The following ANOS1 variants were observed in gnomAD, a reference collection of about 807,000 sequenced individuals.
ANOS1 encodes the protein anosmin 1.
ANOS1 carries 6 observed loss-of-function variants against 59.0 expected under a neutral mutation model. The ratio of observed to expected loss-of-function variants is 0.10; its 90% CI spans 0.06 to 0.20. ANOS1 has a LOEUF of 0.20. ANOS1 is among the 10% of genes least tolerant of loss of function. The pLI is 1.00. For missense variants in ANOS1, 433 were observed against 542.3 expected (o/e 0.80, Z 2.00); for synonymous variants, 217 against 223.4 (o/e 0.97, Z 0.25).
At chrX:8,622,844 T>G (rs1265991570) in intron 3 of ANOS1, among the ~76,000 whole-genome samples, 1 of 112,154 alleles carries the variant, frequency 8.9e-6, no homozygotes, top group Non-Finnish European at 1.9e-5. Flanking sequence ...CTATTGGTGA[T>G]TTTAGACAGT....
chrX:8,539,928 A>C (rs1354989532), intron 9 of ANOS1, among the ~76,000 whole-genome samples, 170 bp from the exon 10 acceptor site: 7 of 106,709 alleles, frequency 6.6e-5, no homozygotes, highest in African/African-American at 2.4e-4. Flanking sequence ...TAATAATTAT[A>C]ATAATTAGTA....
At chrX:8,634,817 A>G (rs1282956069) in intron 2 of ANOS1, among the ~76,000 whole-genome samples, 1 of 112,105 alleles carries the variant, frequency 8.9e-6, no homozygotes, top group Non-Finnish European at 1.9e-5. Context: ...GAGCATTAAA[A>G]AATTTAAGTT....
intron 9 of ANOS1, among the ~76,000 whole-genome samples, chrX:8,551,433 T>A (rs1361152006): frequency 9.2e-6 from 1 of 108,807 alleles, no homozygotes; most frequent in African/African-American, 3.4e-5. Context: ...AGGTCAGGAG[T>A]TCAAGACCAG....
chrX:8,721,113 T>C (rs1020456741), intron 1 of ANOS1, among the ~76,000 whole-genome samples: 9 of 111,417 alleles, frequency 8.1e-5, no homozygotes, highest in Non-Finnish European at 1.7e-4. Flanking sequence ...TGGACTGATA[T>C]TTTTCAAGCC....
chrX:8,668,022 G>C (rs1354488340), intron 2 of ANOS1, among the ~76,000 whole-genome samples: 12 of 110,537 alleles, frequency 1.1e-4, no homozygotes, highest in African/African-American at 1.3e-4. Flanking sequence ...GCGTATTTAA[G>C]GTATTTTTAA....
In ANOS1 at chrX:8,623,617, G is replaced by C. The variant is rs369207310; in HGVS notation, c.309C>G (p.Ser103Arg). 6 of 1,203,346 alleles carry C rather than the reference G, an allele frequency of 5.0e-6. No homozygotes were observed. The African/African-American group carries it at 5.2e-5, about 10-fold the overall frequency. ...SGDLRKHQCQ[S>R]FCEPLFPKKS... ...ACTGACGTTCTCCTACCTCACAAAA[G>C]CTTTGGCACTGGTGTTTCCTCAGGT... The change falls in exon 3 of 14, where the codon AGC becomes AGG. Residue 103 changes from serine to arginine, a missense_variant. Ser to Arg is a moderately radical substitution (Grantham distance 110, BLOSUM62 -1). Coordinates refer to ENST00000262648, the MANE Select transcript of ANOS1 (RefSeq NM_000216.4).
chrX:8,675,797 C>A (rs964270891), intron 2 of ANOS1, among the ~76,000 whole-genome samples: 1 of 108,907 alleles, frequency 9.2e-6, no homozygotes, highest in African/African-American at 3.4e-5. Flanking sequence ...AACGTATCGA[C>A]CCATCACCTA....
rs1161663273 is a variant in ANOS1, at chrX:8,668,416, T to C, written c.255+31282A>G. On this transcript the variant is annotated intron_variant, in intron 2 of 13. Transcript: ENST00000262648. ...CATCATATATATATATATATATATA[T>C]ATATATATATATATACACACACATA... Among the ~76,000 whole-genome samples the C allele has an allele frequency of 7.4e-4, 55 of 74,398 alleles. 1 individual carries two copies. Among genetic ancestry groups the C allele is most frequent in the African/African-American group, 2.8e-3 (51 of 17,930 alleles). 64.6% of individuals were successfully genotyped at this position (74,398 alleles called of 115,157 possible). A position where few individuals can be genotyped will look rare whatever the true frequency, so the allele number is the denominator to read the frequency against.
rs1213995014 is a variant in ANOS1, at chrX:8,530,576, A to T, written c.*2419T>A. The T allele has an allele frequency of 9.0e-6, 1 of 110,507 alleles. No homozygotes were observed. Among genetic ancestry groups the T allele is most frequent in the African/African-American group, 3.3e-5 (1 of 30,600 alleles). The allele number at this position is 110,507 out of a possible 1,213,427, so 9.1% of individuals were successfully genotyped here. A position where few individuals can be genotyped will look rare whatever the true frequency, so the allele number is the denominator to read the frequency against. ...AATAAAATTTAAATTATTTATTTAT[A>T]TTAAAATTAGAAGCCCATAAGAGCT... On this transcript the variant is annotated 3_prime_UTR_variant, in exon 14 of 14. Coordinates refer to ENST00000262648, the MANE Select transcript of ANOS1 (RefSeq NM_000216.4).
intron 3 of ANOS1, among the ~76,000 whole-genome samples, chrX:8,614,826 A>G (rs749385708): frequency 2.7e-4 from 14 of 51,199 alleles, no homozygotes; most frequent in Non-Finnish European, 4.1e-4. Context: ...TTCTCCTACA[A>G]CTGAGTCTAG....
chrX:8,546,076 C>T (rs1372952029), intron 9 of ANOS1, among the ~76,000 whole-genome samples: 1 of 111,875 alleles, frequency 8.9e-6, no homozygotes, highest in Non-Finnish European at 1.9e-5. Flanking sequence ...GTGTCCTTTC[C>T]CATGACAGAA....
intron 8 of ANOS1, among the ~76,000 whole-genome samples, chrX:8,559,865 C>A (rs1214644922): frequency 1.8e-5 from 2 of 111,221 alleles, no homozygotes; most frequent in African/African-American, 6.5e-5. Context: ...TTAATTTGTT[C>A]CTCAAACTCA....
intron 2 of ANOS1, among the ~76,000 whole-genome samples, chrX:8,638,632 C>T (rs1482083170): frequency 1.8e-5 from 2 of 112,024 alleles, no homozygotes; most frequent in Non-Finnish European, 3.8e-5. Flanking sequence ...TATGTCTAGG[C>T]AGAAAACAAA....
At chrX:8,583,010 CTAT>C (rs761269821) in intron 6 of ANOS1, among the ~76,000 whole-genome samples, 1 of 111,299 alleles carries the variant, frequency 9.0e-6, no homozygotes, top group Non-Finnish European at 1.9e-5. Context: ...CAAATGGAGG[CTAT>C]TGAGAGAAAG....
At chrX:8,615,542 C>CAAA (rs34060774) in intron 3 of ANOS1, among the ~76,000 whole-genome samples, 6 of 57,850 alleles carry the variant, frequency 1.0e-4, no homozygotes, top group East Asian at 5.5e-4. Context: ...GACCCTGTCT[C>CAAA]AAAAAAAAAA....
chrX:8,548,366 T>G (rs1929803741), intron 9 of ANOS1, among the ~76,000 whole-genome samples: 1 of 112,453 alleles, frequency 8.9e-6, no homozygotes, highest in Admixed American at 9.4e-5. Flanking sequence ...ATGTTCTTTT[T>G]AGATTCCAAA....
intron 2 of ANOS1, among the ~76,000 whole-genome samples, chrX:8,638,554 G>A (rs973247386): frequency 1.8e-5 from 2 of 111,791 alleles, no homozygotes; most frequent in African/African-American, 6.5e-5. Context: ...AGACAAAGGC[G>A]TACAGAAGTA....
At chrX:8,626,111 C>CAAAA (rs138234272) in intron 2 of ANOS1, among the ~76,000 whole-genome samples, 4 of 24,518 alleles carry the variant, frequency 1.6e-4, no homozygotes, top group East Asian at 1.8e-3. Context: ...GACTCTGTCT[C>CAAAA]AAAAAAAAAA....
chrX:8,640,197 C>T (rs1931636466), intron 2 of ANOS1, among the ~76,000 whole-genome samples: 1 of 111,147 alleles, frequency 9.0e-6, no homozygotes, highest in Non-Finnish European at 1.9e-5. Context: ...AATGCAGGGG[C>T]TGCCTCTCTG....
Sources: allele counts gnomAD v4.1 joint callset (sites outside exome capture counted in the v4.1 genomes callset), GRCh38; gene constraint gnomAD v4.1.1; transcripts MANE v1.5; gene names NCBI Gene and HGNC (gene_info 2026-07-23, HGNC 2026-07-21).